The following CR1 variants were observed in gnomAD, a reference collection of about 807,000 sequenced individuals.
The protein encoded by CR1 is complement receptor type 1.
CR1 carries 116 observed loss-of-function variants against 187.3 expected under a neutral mutation model. The ratio of observed to expected loss-of-function variants is 0.62; its 90% confidence interval spans 0.53 to 0.72. The LOEUF is 0.72. Ranked by LOEUF, CR1 falls within the 30% of genes least tolerant of loss-of-function variation. The pLI is 0.00. For missense variants in CR1, 1,731 were observed against 2,110.7 expected (o/e 0.82, Z 3.52); for synonymous variants, 576 against 747.1 (o/e 0.77, Z 3.73).
At chr1:207,612,291 G>A (rs530225253) in intron 39 of CR1, among the ~76,000 whole-genome samples, 14 of 152,310 alleles carry the variant, frequency 9.2e-5, no homozygotes, top group Admixed American at 8.5e-4. Context: ...TGAGTACACA[G>A]TTGGAACTTG....
chr1:207,597,172 G>A lies in CR1; in HGVS notation c.5810+8398G>A, dbSNP rs1049951396. 2.6e-5 allele frequency among the ~76,000 whole-genome samples: 4 copies of A among 151,522 alleles called. No individual in the cohort carries two copies. The East Asian group carries it at 5.8e-4, about 22-fold the overall frequency. ...AACTCCATTTAGCAGAGCAAGAATGGAGTTTGTTTTGTACAGTGCTGAGTT... is the reference window on the plus strand; with the variant it reads ...AACTCCATTTAGCAGAGCAAGAATGAAGTTTGTTTTGTACAGTGCTGAGTT... On this transcript the variant is annotated intron_variant, in intron 35 of 46. Coordinates refer to ENST00000367049, the MANE Select transcript of CR1 (RefSeq NM_000651.6).
Position 207,615,293 on chromosome 1 carries a change from T to C in CR1, c.6661+804T>C, listed in dbSNP as rs55736095. Among the ~76,000 whole-genome samples, 1,133 of 152,240 alleles carry C rather than the reference T, an allele frequency of 7.4e-3. 16 individuals are homozygous for C. The highest frequency in any genetic ancestry group is 0.026 in the African/African-American group (1,080 of 41,536). On this transcript the variant is annotated intron_variant, in intron 40 of 46. Transcript: ENST00000367049. Reference sequence around the variant, plus strand: ...ACTTTCCTGGGATGTATTTTCTTGTTGGGAAGCAGACTATGAACAAGGAAA... The same window carrying C: ...ACTTTCCTGGGATGTATTTTCTTGTCGGGAAGCAGACTATGAACAAGGAAA...
intron 29 of CR1, among the ~76,000 whole-genome samples, chr1:207,578,911 C>A (rs1301106966): frequency 6.6e-6 from 1 of 152,190 alleles, no homozygotes; most frequent in Non-Finnish European, 1.5e-5. Flanking sequence ...CTCTGTTGCC[C>A]AGGCTGAAGT....
chr1:207,634,956 T>C lies in CR1; in HGVS notation c.7457+4335T>C, dbSNP rs539308530. 1.1e-3 allele frequency among the ~76,000 whole-genome samples: 171 copies of C among 152,340 alleles called. 2 individuals are homozygous for C. Among genetic ancestry groups the C allele is most frequent in the African/African-American group, 2.8e-3 (117 of 41,570 alleles). On this transcript the variant is annotated intron_variant, in intron 46 of 46. Transcript: ENST00000367049. The stretch of plus-strand genomic sequence containing the variant: ...GCTCAACTCTGAGAACACTTTTTCT[T>C]TGGACAAAATTAAAAAAGGAAAAGG...
rs775705835 is a variant in CR1, at chr1:207,630,531, A to G, written c.7367A>G (p.Glu2456Gly). ...CTGCCAATTAGCAATAATGCACATG[A>G]AAACCCTAAAGAAGTGGCTATCCAT... Reference protein sequence around the residue: ...LKHRKGNNAHENPKEVAIHLH... With the variant: ...LKHRKGNNAHGNPKEVAIHLH... The change falls in exon 46 of 47, where the codon GAA becomes GGA. Residue 2456 changes from glutamate to glycine, a missense_variant. Physicochemically the swap from Glu to Gly is moderately conservative, Grantham distance 98. Coordinates refer to ENST00000367049, the MANE Select transcript of CR1 (RefSeq NM_000651.6). 6.2e-7 allele frequency: 1 copy of G among 1,605,480 alleles called. No homozygotes were observed. The highest frequency in any genetic ancestry group is 1.7e-5 in the Admixed American group (1 of 58,482).
chr1:207,499,954 G>C (rs1659215187), intron 1 of CR1, among the ~76,000 whole-genome samples: 1 of 152,130 alleles, frequency 6.6e-6, no homozygotes, highest in African/African-American at 2.4e-5. Context: ...ACAAGAAAAT[G>C]GTAGAGTTGA....
Position 207,617,507 on chromosome 1 carries a change from A to ATATATG in CR1, c.6890-563_6890-562insATATGT, listed in dbSNP as rs1332301171. 5.8e-3 allele frequency among the ~76,000 whole-genome samples: 273 copies of ATATATG among 47,016 alleles called. 8 individuals are homozygous for ATATATG. Among genetic ancestry groups the ATATATG allele is most frequent in the African/African-American group, 0.012 (189 of 15,778 alleles). The allele number at this position is 47,016 out of a possible 152,430, so 30.8% of individuals were successfully genotyped here. ...AGTATATATATATATATATATATAT[A>ATATATG]TGTGTGTGTGTGTGTGTGTGTGTGT... On this transcript the variant is annotated intron_variant, in intron 41 of 46. Coordinates refer to ENST00000367049, the MANE Select transcript of CR1 (RefSeq NM_000651.6).
intron 45 of CR1, among the ~76,000 whole-genome samples, chr1:207,625,009 T>C (rs536116481): frequency 3.9e-5 from 6 of 152,308 alleles, no homozygotes; most frequent in African/African-American, 7.2e-5. Flanking sequence ...CATTCTTCAT[T>C]ACTTATGGTC....
rs746135246 is a variant in CR1 at position 207,565,791 on chromosome 1, C to T, written c.3867-47C>T. 3.7e-6 allele frequency: 6 copies of T among 1,607,686 alleles called. 1 individual carries two copies. In the African/African-American group the frequency reaches 8.4e-5, roughly 22 times the overall value. On this transcript the variant is annotated intron_variant, in intron 23 of 46. Transcript: ENST00000367049. The stretch of plus-strand genomic sequence containing the variant: ...GGGCCTTAGATTGTGAACTAAGTGT[C>T]CTCTTGGCTGAAACAGCTCACTATT...
intron 39 of CR1, among the ~76,000 whole-genome samples, chr1:207,614,046 G>T (rs1480967991): frequency 6.6e-6 from 1 of 152,210 alleles, no homozygotes; most frequent in Non-Finnish European, 1.5e-5. Flanking sequence ...ATCAGTGAAA[G>T]ATGACACCTG....
chr1:207,593,280 A>G (rs1054626716), intron 35 of CR1, among the ~76,000 whole-genome samples: 4 of 152,172 alleles, frequency 2.6e-5, no homozygotes, highest in African/African-American at 9.7e-5. Flanking sequence ...ATGGAACAGA[A>G]CAGAGGCCTC....
chr1:207,578,954 A>G (rs1660851518), intron 29 of CR1, among the ~76,000 whole-genome samples: 1 of 152,244 alleles, frequency 6.6e-6, no homozygotes, highest in South Asian at 2.1e-4. Flanking sequence ...CTGCAGCCTC[A>G]GATTCCTAGG....
At chr1:207,609,740 T>A in intron 37 of CR1, 52 bp downstream of exon 37, 1 of 1,477,094 alleles carries the variant, frequency 6.8e-7, no homozygotes, top group Non-Finnish European at 9.0e-7. Flanking sequence ...GTATAGATGA[T>A]AGGAGTTGTT....
intron 46 of CR1, among the ~76,000 whole-genome samples, chr1:207,634,638 C>T (rs1662756449): frequency 1.3e-5 from 2 of 151,850 alleles, no homozygotes; most frequent in African/African-American, 2.4e-5. Flanking sequence ...CTGGAGGCCT[C>T]ATCAGGAGGG....
chr1:207,628,938 C>T (rs952083445), intron 45 of CR1, among the ~76,000 whole-genome samples: 1 of 152,136 alleles, frequency 6.6e-6, no homozygotes, highest in Non-Finnish European at 1.5e-5. Context: ...GATTTCCTGG[C>T]GTTTCACACA....
At chr1:207,590,568 C>G (rs549774748) in intron 35 of CR1, among the ~76,000 whole-genome samples, 2 of 152,296 alleles carry the variant, frequency 1.3e-5, no homozygotes, top group South Asian at 4.1e-4. Context: ...GGCAAAATAA[C>G]AAATCAGCAT....
At chr1:207,586,366 G>A (rs992260160) in intron 33 of CR1, among the ~76,000 whole-genome samples, 28 of 152,124 alleles carry the variant, frequency 1.8e-4, no homozygotes, top group African/African-American at 6.3e-4. Context: ...GAACTCCTGG[G>A]CTAAAGCAAT....
chr1:207,568,133 G>C, intron 25 of CR1, 91 bp downstream of exon 25: 2 of 1,604,680 alleles, frequency 1.2e-6, no homozygotes, highest in Non-Finnish European at 1.7e-6. Context: ...GTATTTATTT[G>C]TATGTATGCA....
chr1:207,626,450 C>A (rs1662481679), intron 45 of CR1, among the ~76,000 whole-genome samples: 1 of 152,118 alleles, frequency 6.6e-6, no homozygotes, highest in East Asian at 1.9e-4. Context: ...TTATCTGGAG[C>A]TCAAGCTTTC....
Sources: allele counts gnomAD v4.1 joint callset (sites outside exome capture counted in the v4.1 genomes callset), GRCh38; gene constraint gnomAD v4.1.1; transcripts MANE v1.5; gene names NCBI Gene and HGNC (gene_info 2026-07-23, HGNC 2026-07-21).